The following MAPK8IP2 variants were observed in gnomAD, a reference collection of about 807,000 sequenced individuals.
The protein encoded by MAPK8IP2 is mitogen-activated protein kinase 8 interacting protein 2.
Under a neutral mutation model 75.6 loss-of-function variants are expected in MAPK8IP2, and 15 were observed. That is an observed-to-expected ratio of 0.20 (90% confidence interval 0.13 to 0.31). MAPK8IP2 has a LOEUF of 0.31. Ranked by LOEUF, MAPK8IP2 falls within the 10% of genes least tolerant of loss-of-function variation. MAPK8IP2 has a pLI of 1.00. For missense variants in MAPK8IP2, 1,089 were observed against 1,211.2 expected, an observed-to-expected ratio of 0.90 and a Z score of 1.50; for synonymous variants, 632 against 554.5, an observed-to-expected ratio of 1.14 and a Z score of -1.96.
At chr22:50,606,030 A>G (rs1345845193) in intron 8 of MAPK8IP2, 96 bp downstream of exon 8, 2 of 1,017,668 alleles carry the variant, frequency 2.0e-6, no homozygotes, top group South Asian at 1.5e-5. Context: ...CCAAGGTCTG[A>G]GGTCTGATTT....
At position 50,610,005 on chromosome 22, in the gene MAPK8IP2, G is replaced by A. The variant is rs370486730; in HGVS notation, c.2304-207G>A. 22 of 731,676 alleles carry A rather than the reference G, an allele frequency of 3.0e-5. No homozygotes were observed. The highest frequency in any genetic ancestry group is 2.6e-4 in the East Asian group (10 of 38,870). The allele number at this position is 731,676 out of a possible 1,614,324, so 45.3% of individuals were successfully genotyped here. On this transcript the variant is annotated intron_variant, in intron 10 of 11. Coordinates refer to ENST00000329492, the MANE Select transcript of MAPK8IP2 (RefSeq NM_012324.6). The surrounding 1 kb of genome is among the most constrained non-coding windows in gnomAD (Gnocchi z 4.3). ...GGTCATCATGGAATTAACTCAGAGC[G>A]TGAACTCTTGGTAGGTGCCCAGCCC...
intron 10 of MAPK8IP2, chr22:50,609,857 T>C (rs375452144): frequency 5.7e-6 from 3 of 522,304 alleles, no homozygotes; most frequent in South Asian, 1.4e-5. Flanking sequence ...GAGGCCTGAG[T>C]TGGCAGGAGA....
rs776621256 is a variant in MAPK8IP2, at chr22:50,607,373, C to G, written c.2303+382C>G. On this transcript the variant is annotated intron_variant, in intron 10 of 11. Transcript: ENST00000329492. This position sits in a 1 kb window ranked among gnomAD's most constrained non-coding sequence, Gnocchi z 5.6. Reference sequence around the variant, plus strand: ...AGCTGAGCCAAGGGTGTGGGATGCACTGGTCGGGGGCTATATAGGCTCTGG... The same window carrying G: ...AGCTGAGCCAAGGGTGTGGGATGCAGTGGTCGGGGGCTATATAGGCTCTGG... Among the ~76,000 whole-genome samples the G allele has an allele frequency of 1.3e-5, 2 of 152,116 alleles. No homozygotes were observed. The highest frequency in any genetic ancestry group is 2.4e-5 in the African/African-American group (1 of 41,402).
intron 3 of MAPK8IP2, 24 bp from the exon 4 acceptor site, chr22:50,603,602 C>A: frequency 6.3e-7 from 1 of 1,586,828 alleles, no homozygotes. Flanking sequence ...TCCTCAGGAC[C>A]GCCGTCATGT....
chr22:50,603,641 A>G lies in MAPK8IP2; in HGVS notation c.463A>G (p.Asn155Asp). The change falls in exon 4 of 12, where the codon AAC (asparagine) becomes GAC (aspartate). Residue 155 changes from asparagine (N) to aspartate (D), a missense_variant. Transcript: ENST00000329492. ...TCCACCCCAGGACTCCCTAAACAAC[A>G]ACGGAGGCTTTGACCTGGTGCGTCC... Reference protein sequence around the residue: ...TLGAQDSLNNNGGFDLVRPAS... With the variant: ...TLGAQDSLNNDGGFDLVRPAS... 2 of 1,594,664 alleles carry G rather than the reference A, an allele frequency of 1.3e-6. No homozygotes were observed. Among genetic ancestry groups the G allele is most frequent in the Non-Finnish European group, 1.7e-6 (2 of 1,171,162 alleles).
In MAPK8IP2 at chr22:50,605,673, G is replaced by T. The variant is rs774784421; in HGVS notation, c.1953G>T (p.Glu651Asp). ...GTGGCTTCAACATGCGCACGGGGGA[G>T]CGCGGTGTGTTTCCTGCCTTCTACG... ...WFRGFNMRTG[E>D]RGVFPAFYAH... The change falls in exon 7 of 12, where the codon GAG becomes GAT. Residue 651 changes from glutamate to aspartate, a missense_variant. Transcript: ENST00000329492. 1 of 1,612,612 alleles carries T rather than the reference G, an allele frequency of 6.2e-7. No homozygotes were observed. Among genetic ancestry groups the T allele is most frequent in the Non-Finnish European group, 8.5e-7 (1 of 1,179,648 alleles).
rs1307129639 is a variant in MAPK8IP2 at position 50,604,672 on chromosome 22, G to A, written c.1373G>A (p.Arg458His). Residue 458 changes from arginine to histidine, a missense_variant, in exon 5 of 12, where the codon CGC (arginine) becomes CAC (histidine). By Grantham distance (29) the Arg-to-His change is conservative (BLOSUM62 0). This residue lies in a region of MAPK8IP2 where 960 missense variants were observed against 1,009.6 expected (regional missense o/e 0.95). Coordinates refer to ENST00000329492, the MANE Select transcript of MAPK8IP2 (RefSeq NM_012324.6). ...TGGGCCGCGCCCGGCCGCGCCGCCC[G>A]CCCGGGACGAGCCTGCTCCGCCGCC... Reference protein sequence around the residue: ...PLWAAPGRAARPGRACSAACS... With the variant: ...PLWAAPGRAAHPGRACSAACS... 31 of 1,521,082 alleles carry A rather than the reference G, an allele frequency of 2.0e-5. No individual in the cohort carries two copies. The highest frequency in any genetic ancestry group is 2.5e-5 in the Non-Finnish European group (29 of 1,139,256). 94.2% of individuals were successfully genotyped at this position (1,521,082 alleles called of 1,614,324 possible). A position where few individuals can be genotyped will look rare whatever the true frequency, so the allele number is the denominator to read the frequency against.
At chr22:50,605,125 AGTCCCAGGGTCCCCCACAGT>A (rs1219723604) in intron 5 of MAPK8IP2, 61 bp downstream of exon 5, 2 of 1,579,912 alleles carry the variant, frequency 1.3e-6, no homozygotes, top group Non-Finnish European at 1.7e-6. Context: ...CCCTGGCCCC[AGTCCCAGGGTCCCCCACAGT>A]GCCCAGGGCC....
In MAPK8IP2 at chr22:50,610,790, G is replaced by A. The variant is rs955179584; in HGVS notation, c.*11G>A. 3 of 1,598,306 alleles carry A rather than the reference G, an allele frequency of 1.9e-6. No homozygotes were observed. The highest frequency in any genetic ancestry group is 1.7e-5 in the Admixed American group (1 of 58,034). On this transcript the variant is annotated 3_prime_UTR_variant, in exon 12 of 12. Transcript: ENST00000329492. The surrounding 1 kb of genome is among the most constrained non-coding windows in gnomAD (Gnocchi z 4.3). ...ATCTACCTGGAGTAGCCTGCCCACC[G>A]CTCTGTCTCCTGGCCGTCTGCTCCA...
chr22:50,609,085 C>G (rs2071101698), intron 10 of MAPK8IP2, among the ~76,000 whole-genome samples: 2 of 152,092 alleles, frequency 1.3e-5, no homozygotes, highest in Non-Finnish European at 2.9e-5. Context: ...TATTTGTCAC[C>G]CCAGACCCCC....
Position 50,605,838 on chromosome 22 carries a change from C to T in MAPK8IP2, c.2028C>T (p.Ser676=). 1 of 1,587,888 alleles carries T rather than the reference C, an allele frequency of 6.3e-7. No homozygotes were observed. The highest frequency in any genetic ancestry group is 8.6e-7 in the Non-Finnish European group (1 of 1,168,332). Residue 676 remains serine (S), a synonymous_variant, in exon 8 of 12, where the codon AGC becomes AGT. Coordinates refer to ENST00000329492, the MANE Select transcript of MAPK8IP2 (RefSeq NM_012324.6). ...PAKDLLGSKR[S]PCWVERFDVQ... Reference sequence around the variant, plus strand: ...CCCGCTCCCCAGGGAGTAAGCGGAGCCCCTGCTGGGTGGAGCGCTTTGACG... The same window carrying T: ...CCCGCTCCCCAGGGAGTAAGCGGAGTCCCTGCTGGGTGGAGCGCTTTGACG...
chr22:50,608,233 C>T (rs897378678), intron 10 of MAPK8IP2, among the ~76,000 whole-genome samples: 3 of 152,158 alleles, frequency 2.0e-5, no homozygotes, highest in African/African-American at 7.2e-5. Flanking sequence ...GGGATCCATG[C>T]GGAAACGCTG....
In MAPK8IP2 at chr22:50,606,705, C is replaced by A. The variant is rs768088189; in HGVS notation, c.2172C>A (p.Ser724=). Residue 724 remains serine, a synonymous_variant, in exon 9 of 12, where the codon TCC becomes TCA. Coordinates refer to ENST00000329492, the MANE Select transcript of MAPK8IP2 (RefSeq NM_012324.6). ...CCGTCCACCTGCGCCCTCCTGCCTC[C>A]TGTGACCTCGAGATCTCTCTTCGGG... ...KLTVHLRPPA[S]CDLEISLRGV... The A allele has an allele frequency of 1.3e-6, 2 of 1,597,532 alleles. No homozygotes were observed. Among genetic ancestry groups the A allele is most frequent in the Non-Finnish European group, 1.7e-6 (2 of 1,172,330 alleles).
At chr22:50,608,643 T>TCACTG (rs1231924157) in intron 10 of MAPK8IP2, among the ~76,000 whole-genome samples, 1 of 134,866 alleles carries the variant, frequency 7.4e-6, no homozygotes, top group Admixed American at 7.4e-5. Context: ...AGCTCTGGGG[T>TCACTG]GGAGAGGTGG....
chr22:50,604,265 G>T lies in MAPK8IP2; in HGVS notation c.966G>T (p.Val322=). ...CGCGCCGCCCCGCCTTCCTGCCCGT[G>T]GGCCCCGACGACACCAACAGCGAGT... The part of the protein sequence containing the change: ...EPPRRPAFLP[V]GPDDTNSEYE... The change falls in exon 5 of 12, where the codon GTG becomes GTT. Residue 322 remains valine (V), a synonymous_variant. Transcript: ENST00000329492. 2.6e-6 allele frequency: 4 copies of T among 1,568,520 alleles called. No homozygotes were observed. The highest frequency in any genetic ancestry group is 3.4e-6 in the Non-Finnish European group (4 of 1,165,430).
Position 50,608,813 on chromosome 22 carries a change from T to TGGGGCCAGCTCTGGGGTCACC in MAPK8IP2, c.2304-1396_2304-1395insGCCAGCTCTGGGGTCACCGGG, listed in dbSNP as rs1569068037. Among the ~76,000 whole-genome samples, 3 of 129,472 alleles carry TGGGGCCAGCTCTGGGGTCACC rather than the reference T, an allele frequency of 2.3e-5. 1 individual carries two copies. Among genetic ancestry groups the TGGGGCCAGCTCTGGGGTCACC allele is most frequent in the African/African-American group, 6.1e-5 (2 of 32,944 alleles). 84.9% of individuals were successfully genotyped at this position (129,472 alleles called of 152,430 possible). On this transcript the variant is annotated intron_variant, in intron 10 of 11. Transcript: ENST00000329492. The stretch of plus-strand genomic sequence containing the variant: ...ACGGTGGGGCCAGCTCTGGGGTCAC[T>TGGGGCCAGCTCTGGGGTCACC]GGGACAGCGGACGGGGCGCAGACCA...
rs968898419 is a variant in MAPK8IP2 at position 50,605,219 on chromosome 22, G to A, written c.1766-149G>A. Reference sequence around the variant, plus strand: ...TCCCACCCAGGACATGGCATGAGGTGGCCTGCTCTGCCTCAGCTCCTTCCC... The same window carrying A: ...TCCCACCCAGGACATGGCATGAGGTAGCCTGCTCTGCCTCAGCTCCTTCCC... On this transcript the variant is annotated intron_variant, in intron 5 of 11. Transcript: ENST00000329492. 6.5e-6 allele frequency: 7 copies of A among 1,080,010 alleles called. No homozygotes were observed. In the African/African-American group the frequency reaches 9.3e-5, roughly 14 times the overall value. The allele number at this position is 1,080,010 out of a possible 1,614,324, so 66.9% of individuals were successfully genotyped here.
chr22:50,607,011 C>G lies in MAPK8IP2; in HGVS notation c.2303+20C>G, dbSNP rs139358093. On this transcript the variant is annotated intron_variant, in intron 10 of 11. Transcript: ENST00000329492. This position sits in a 1 kb window ranked among gnomAD's most constrained non-coding sequence, Gnocchi z 5.6. The stretch of plus-strand genomic sequence containing the variant: ...CAGCTGGTGAGAGTCTGACCGTCCC[C>G]GAGTCCCCCAACCGCCCCCACAAAC... 6.2e-7 allele frequency: 1 copy of G among 1,606,650 alleles called. No individual in the cohort carries two copies. The highest frequency in any genetic ancestry group is 1.1e-5 in the South Asian group (1 of 90,924).
chr22:50,610,089 A>G lies in MAPK8IP2; in HGVS notation c.2304-123A>G. The G allele has an allele frequency of 1.3e-6, 1 of 759,728 alleles. No homozygotes were observed. The highest frequency in any genetic ancestry group is 2.3e-6 in the Non-Finnish European group (1 of 433,976). 47.1% of individuals were successfully genotyped at this position (759,728 alleles called of 1,614,324 possible). A position where few individuals can be genotyped will look rare whatever the true frequency, so the allele number is the denominator to read the frequency against. ...CAGATCTTGAAATTGTGCGACCCCC[A>G]CACTCCTGTCCCTTACCCTCTCCCC... On this transcript the variant is annotated intron_variant, in intron 10 of 11. Transcript: ENST00000329492. The surrounding 1 kb of genome is among the most constrained non-coding windows in gnomAD (Gnocchi z 4.3).
Sources: gnomAD v4.1 joint callset for allele counts (sites outside exome capture counted in the v4.1 genomes callset) on GRCh38, gnomAD v4.1.1 for gene constraint, gnomAD v4.1.1 regional missense constraint, Gnocchi (gnomAD v3.1) non-coding constraint, MANE v1.5 for transcripts, NCBI Gene and HGNC (gene_info 2026-07-23, HGNC 2026-07-21) for gene names.